Variants in BYSL observed in about 807,000 individuals in gnomAD.
BYSL encodes bystin like.
BYSL carries 21 observed loss-of-function variants against 45.4 expected under a neutral mutation model. The ratio of observed to expected loss-of-function variants is 0.46; its 90% CI spans 0.33 to 0.67. The LOEUF (loss-of-function observed/expected upper bound fraction) is 0.67. BYSL is among the 30% of genes least tolerant of loss of function. The pLI is 0.02. For missense variants in BYSL, 522 were observed against 578.5 expected, an observed-to-expected ratio of 0.90 and a Z score of 1.00; for synonymous variants, 215 against 231.3, an observed-to-expected ratio of 0.93 and a Z score of 0.64.
chr6:41,909,146 C>T, the BYSL span: 4 of 1,350,336 alleles, frequency 3.0e-6, no homozygotes, highest in African/African-American at 1.5e-5. Context: ...TGCATTCCAG[C>T]CTGGGTGACA....
chr6:41,922,140 A>G (rs543726609), intron 1 of BYSL, among the ~76,000 whole-genome samples: 2 of 152,302 alleles, frequency 1.3e-5, no homozygotes, highest in South Asian at 4.1e-4. Flanking sequence ...TCGGAATTCT[A>G]TCGAATGTTT....
rs1192838412 is a variant in BYSL, at chr6:41,930,679, G to C, written c.615G>C (p.Lys205Asn). 6.2e-7 allele frequency: 1 copy of C among 1,613,904 alleles called. No individual in the cohort carries two copies. The highest frequency in any genetic ancestry group is 1.3e-5 in the African/African-American group (1 of 75,046). ...GTGGAAAACTGCCCAAGGCATTTAAGATCATCCCTGCACTCTCCAACTGGG... is the reference window on the plus strand; with the variant it reads ...GTGGAAAACTGCCCAAGGCATTTAACATCATCCCTGCACTCTCCAACTGGG... ...YRSGKLPKAF[K>N]IIPALSNWEQ... The change falls in exon 4 of 7, where the codon AAG (lysine) becomes AAC (asparagine). Residue 205 changes from lysine to asparagine, a missense_variant. Transcript: ENST00000230340.
chr6:41,909,051 G>A, the BYSL span: 251 of 588,874 alleles, frequency 4.3e-4, no homozygotes, highest in African/African-American at 4.1e-3. Context: ...TTCGGTGGGT[G>A]TAGTCCCAGG....
upstream of BYSL, among the ~76,000 whole-genome samples, chr6:41,920,277 C>T (rs1775426064): frequency 1.3e-5 from 2 of 151,982 alleles, no homozygotes; most frequent in South Asian, 4.1e-4. Context: ...ACCCTTTTTT[C>T]CTCTAGACCC....
the BYSL span, chr6:41,908,958 G>A: frequency 2.5e-6 from 1 of 400,818 alleles, no homozygotes; most frequent in South Asian, 7.1e-5. Flanking sequence ...TGAGATGGGA[G>A]GATCAATTGA....
chr6:41,923,251 T>C (rs1395998784), intron 1 of BYSL, among the ~76,000 whole-genome samples: 2 of 151,766 alleles, frequency 1.3e-5, no homozygotes, highest in Non-Finnish European at 2.9e-5. Context: ...CAGTCGTCTT[T>C]CCACCTCAGC....
chr6:41,930,810 C>T, intron 4 of BYSL, 42 bp downstream of exon 4: 1 of 1,588,382 alleles, frequency 6.3e-7, no homozygotes, highest in Non-Finnish European at 8.5e-7. Context: ...TTTATAGGTG[C>T]AGGCTGAGTT....
Position 41,932,747 on chromosome 6 carries a change from A to T in BYSL, c.*41A>T, listed in dbSNP as rs773404919. On this transcript the variant is annotated 3_prime_UTR_variant, in exon 7 of 7. Coordinates refer to ENST00000230340, the MANE Select transcript of BYSL (RefSeq NM_004053.4). This position sits in a 1 kb window ranked among gnomAD's most constrained non-coding sequence, Gnocchi z 4.7. ...GTCCTGGCCAAAGGGGTTTGGAAGG[A>T]CACCAAGACCCCCGTTGGTGACTGA... The T allele has an allele frequency of 6.4e-7, 1 of 1,559,030 alleles. No individual in the cohort carries two copies.
At chr6:41,916,179 C>T in the BYSL span, among the ~76,000 whole-genome samples, 12 of 151,016 alleles carry the variant, frequency 7.9e-5, no homozygotes, top group African/African-American at 1.9e-4. Flanking sequence ...GCCCAAGGGT[C>T]GAGGCTGCAG....
chr6:41,915,523 C>T, the BYSL span, among the ~76,000 whole-genome samples: 1,734 of 152,048 alleles, frequency 0.011, 17 homozygotes, highest in Non-Finnish European at 0.017. Context: ...CGCGGTGGCT[C>T]ACGCCTATAA....
the BYSL span, among the ~76,000 whole-genome samples, chr6:41,909,689 A>T: frequency 6.6e-6 from 1 of 152,130 alleles, no homozygotes; most frequent in Admixed American, 6.5e-5. Context: ...TTTTCTAGAA[A>T]GGTAGGGGGA....
rs753924837 is a variant in BYSL, at chr6:41,932,669, C to T, written c.1277C>T (p.Pro426Leu). 380 of 1,613,028 alleles carry T rather than the reference C, an allele frequency of 2.4e-4. No homozygotes were observed. Among genetic ancestry groups the T allele is most frequent in the Non-Finnish European group, 3.1e-4 (368 of 1,179,194 alleles). Residue 426 changes from proline to leucine, a missense_variant, in exon 7 of 7, where the codon CCC (proline) becomes CTC (leucine). Transcript: ENST00000230340. The surrounding 1 kb of genome is among the most constrained non-coding windows in gnomAD (Gnocchi z 4.7). ...EIRRELQSAV[P>L]RDVEDVPITV... ...AGGCGTGAGCTTCAGAGTGCAGTCC[C>T]CCGCGATGTGGAAGATGTTCCCATC...
At chr6:41,916,180 G>A in the BYSL span, among the ~76,000 whole-genome samples, 2 of 151,860 alleles carry the variant, frequency 1.3e-5, no homozygotes, top group Admixed American at 6.6e-5. Flanking sequence ...CCCAAGGGTC[G>A]AGGCTGCAGT....
chr6:41,923,124 C>T (rs1775513563), intron 1 of BYSL, among the ~76,000 whole-genome samples: 2 of 131,054 alleles, frequency 1.5e-5, no homozygotes, highest in South Asian at 5.1e-4. Flanking sequence ...ATCTCATATT[C>T]TCCGTTTTTT....
At chr6:41,908,764 C>T in the BYSL span, among the ~76,000 whole-genome samples, 8 of 152,046 alleles carry the variant, frequency 5.3e-5, no homozygotes, top group African/African-American at 1.5e-4. Context: ...CCCAGCTTCC[C>T]GCTTCCTACT....
chr6:41,913,334 C>T, the BYSL span, among the ~76,000 whole-genome samples: 5 of 152,274 alleles, frequency 3.3e-5, no homozygotes, highest in Admixed American at 2.6e-4. Flanking sequence ...GTTTATTGCT[C>T]TTTCCTGCCT....
In BYSL at chr6:41,927,370, C is replaced by T. The variant is rs772643524; in HGVS notation, c.269-4C>T. ...GCTCATCCATTTAGTCTCCCCTCTTCTAGGTCCAAGAATGCCTCAGGATGG... is the reference window on the plus strand; with the variant it reads ...GCTCATCCATTTAGTCTCCCCTCTTTTAGGTCCAAGAATGCCTCAGGATGG... On this transcript the variant is annotated splice_polypyrimidine_tract_variant and splice_region_variant and intron_variant, in intron 1 of 6. Coordinates refer to ENST00000230340, the MANE Select transcript of BYSL (RefSeq NM_004053.4). The T allele has an allele frequency of 1.9e-6, 3 of 1,613,846 alleles. No homozygotes were observed. The African/African-American group carries it at 4.0e-5, about 22-fold the overall frequency.
chr6:41,918,510 G>T (rs368868039), upstream of BYSL, among the ~76,000 whole-genome samples: 1 of 116,470 alleles, frequency 8.6e-6, no homozygotes, highest in African/African-American at 3.2e-5. Context: ...ATCTCAAAAA[G>T]AAAAAAAAAA....
the BYSL span, among the ~76,000 whole-genome samples, chr6:41,910,407 G>A: frequency 2.0e-5 from 3 of 152,138 alleles, no homozygotes; most frequent in South Asian, 4.1e-4. Flanking sequence ...TGAGGCGGGT[G>A]GATCACTTGA....
Sources: allele counts gnomAD v4.1 joint callset (sites outside exome capture counted in the v4.1 genomes callset), GRCh38; gene constraint gnomAD v4.1.1; non-coding constraint Gnocchi (gnomAD v3.1); transcripts MANE v1.5; gene names NCBI Gene and HGNC (gene_info 2026-07-23, HGNC 2026-07-21).